Variants in SYN3 observed in about 807,000 individuals in gnomAD.
The protein encoded by SYN3 is synapsin III.
Under a neutral mutation model 65.8 loss-of-function variants are expected in SYN3, and 35 were observed. That is an observed-to-expected ratio of 0.53 (90% CI 0.41 to 0.70). The LOEUF (loss-of-function observed/expected upper bound fraction) is 0.70, where lower values mean the gene tolerates loss of function less well. Ranked by LOEUF, SYN3 falls within the 30% of genes least tolerant of loss-of-function variation. The pLI is 0.00. For synonymous variants in SYN3, 270 were observed against 292.9 expected, an observed-to-expected ratio of 0.92 and a Z score of 0.80; for missense variants, 680 against 749.0, an observed-to-expected ratio of 0.91 and a Z score of 1.08.
chr22:33,003,115 C>T (rs1301520114), intron 2 of SYN3, among the ~76,000 whole-genome samples: 1 of 152,202 alleles, frequency 6.6e-6, no homozygotes, highest in Admixed American at 6.5e-5. Context: ...CCATGTGGAA[C>T]TGTGAGTCAA....
At chr22:32,798,025 CT>C (rs2046470623) in intron 6 of SYN3, among the ~76,000 whole-genome samples, 1 of 152,194 alleles carries the variant, frequency 6.6e-6, no homozygotes, top group African/African-American at 2.4e-5. Flanking sequence ...ACTTTACTCT[CT>C]TTTCATTTCC....
rs114402282 is a variant in SYN3 at position 32,885,447 on chromosome 22, T to C, written c.462-16322A>G. On this transcript the variant is annotated intron_variant, in intron 4 of 13. Coordinates refer to ENST00000358763, the MANE Select transcript of SYN3 (RefSeq NM_003490.4). Reference sequence around the variant, plus strand: ...CCTGGTGCCCCGGGCCATACCCTCATGCCTATGAAAAAGAGTCTCTTTCTT... The same window carrying C: ...CCTGGTGCCCCGGGCCATACCCTCACGCCTATGAAAAAGAGTCTCTTTCTT... 9.2e-3 allele frequency among the ~76,000 whole-genome samples: 1,400 copies of C among 152,294 alleles called. 19 individuals carry two copies. The highest frequency in any genetic ancestry group is 0.032 in the African/African-American group (1,317 of 41,552).
chr22:32,608,168 A>G (rs1019834323), intron 6 of SYN3, among the ~76,000 whole-genome samples: 1 of 152,154 alleles, frequency 6.6e-6, no homozygotes, highest in Non-Finnish European at 1.5e-5. Context: ...CCTGGGTTCA[A>G]GCGATTCCCC....
At chr22:32,990,069 G>A (rs920344593) in intron 2 of SYN3, among the ~76,000 whole-genome samples, 2 of 152,124 alleles carry the variant, frequency 1.3e-5, no homozygotes, top group Non-Finnish European at 2.9e-5. Context: ...ATACTAAAAA[G>A]TAATTCATGC....
intron 6 of SYN3, among the ~76,000 whole-genome samples, chr22:32,764,829 T>A (rs2045581428): frequency 6.6e-6 from 1 of 152,184 alleles, no homozygotes; most frequent in Non-Finnish European, 1.5e-5. Flanking sequence ...TGGGGAGCAA[T>A]GGCAAGCCTC....
At chr22:32,917,162 G>A (rs1304186392) in intron 4 of SYN3, among the ~76,000 whole-genome samples, 1 of 152,148 alleles carries the variant, frequency 6.6e-6, no homozygotes, top group African/African-American at 2.4e-5. Flanking sequence ...CCATTTTACA[G>A]TTAAGGAACC....
At chr22:32,635,924 C>A (rs1421891066) in intron 6 of SYN3, among the ~76,000 whole-genome samples, 1 of 152,194 alleles carries the variant, frequency 6.6e-6, no homozygotes, top group African/African-American at 2.4e-5. Context: ...TGCTTGAAAT[C>A]ATTAGGCAGC....
chr22:32,872,608 C>T (rs1253328320), intron 4 of SYN3, among the ~76,000 whole-genome samples: 3 of 152,214 alleles, frequency 2.0e-5, no homozygotes, highest in Non-Finnish European at 4.4e-5. Context: ...CTGCCATTCA[C>T]TGCTACAGAA....
intron 6 of SYN3, among the ~76,000 whole-genome samples, chr22:32,794,940 T>C (rs2046397448): frequency 6.6e-6 from 1 of 152,066 alleles, no homozygotes; most frequent in African/African-American, 2.4e-5. Flanking sequence ...GAGAAACCGA[T>C]AGCTGGAATA....
At chr22:32,700,567 C>G (rs142278788) in intron 6 of SYN3, among the ~76,000 whole-genome samples, 3 of 152,322 alleles carry the variant, frequency 2.0e-5, no homozygotes, top group African/African-American at 7.2e-5. Context: ...GAGTCCCCAA[C>G]AGCTATTGTC....
At chr22:32,521,398 A>G (rs1323429057) in intron 12 of SYN3, among the ~76,000 whole-genome samples, 4 of 150,986 alleles carry the variant, frequency 2.6e-5, no homozygotes, top group African/African-American at 7.3e-5. Context: ...CTTCTGTGCT[A>G]TCAAGAGATG....
intron 2 of SYN3, among the ~76,000 whole-genome samples, chr22:32,988,648 C>A (rs983295623): frequency 6.6e-6 from 1 of 152,014 alleles, no homozygotes; most frequent in Admixed American, 6.6e-5. Context: ...CCCCTCAGCC[C>A]ACAGAAAAAG....
At chr22:32,983,912 C>A (rs1013929729) in intron 2 of SYN3, among the ~76,000 whole-genome samples, 10 of 152,140 alleles carry the variant, frequency 6.6e-5, no homozygotes, top group Non-Finnish European at 1.2e-4. Context: ...GTAATCCCAG[C>A]ACTTTGGGAG....
chr22:32,635,170 G>A (rs2059798478), intron 6 of SYN3: 1 of 152,246 alleles, frequency 6.6e-6, no homozygotes. Flanking sequence ...AGACAAGAGC[G>A]GTGTGTTAAG....
intron 6 of SYN3, among the ~76,000 whole-genome samples, chr22:32,672,496 G>A (rs2060384873): frequency 6.6e-6 from 1 of 152,182 alleles, no homozygotes; most frequent in Non-Finnish European, 1.5e-5. Context: ...TCTGGAGTCA[G>A]GCGTCTTCTC....
At chr22:32,847,127 T>C (rs1177881167) in intron 6 of SYN3, among the ~76,000 whole-genome samples, 1 of 152,190 alleles carries the variant, frequency 6.6e-6, no homozygotes, top group Non-Finnish European at 1.5e-5. Context: ...TCTGTGTTAA[T>C]GAGGCAGAGA....
intron 2 of SYN3, among the ~76,000 whole-genome samples, chr22:32,993,811 C>G (rs1240473413): frequency 1.3e-5 from 2 of 152,160 alleles, no homozygotes; most frequent in Non-Finnish European, 2.9e-5. Context: ...GGTGATCCCT[C>G]AGCACCAGCC....
At chr22:32,558,546 T>TTTTCCTATCTTTTCTC (rs1401878586) in intron 7 of SYN3, among the ~76,000 whole-genome samples, 1 of 152,224 alleles carries the variant, frequency 6.6e-6, no homozygotes, top group Non-Finnish European at 1.5e-5. Flanking sequence ...AACTTTTCCC[T>TTTTCCTATCTTTTCTC]TTTCCTATCT....
intron 7 of SYN3, among the ~76,000 whole-genome samples, chr22:32,557,897 A>G (rs2058526273): frequency 6.6e-6 from 1 of 152,064 alleles, no homozygotes; most frequent in Non-Finnish European, 1.5e-5. Flanking sequence ...GCTTGTTGTC[A>G]CTTTTCATAT....
Sources: gnomAD v4.1 joint callset for allele counts (sites outside exome capture counted in the v4.1 genomes callset) on GRCh38, gnomAD v4.1.1 for gene constraint, MANE v1.5 for transcripts, NCBI Gene and HGNC (gene_info 2026-07-23, HGNC 2026-07-21) for gene names.